The following SCN8A variants were observed in gnomAD, a reference collection of about 807,000 sequenced individuals.
SCN8A encodes the protein sodium voltage-gated channel alpha subunit 8.
In SCN8A, 30 loss-of-function variants were observed where a neutral mutation model predicts 184.1. That is an observed-to-expected ratio of 0.16 (90% CI 0.12 to 0.22). The LOEUF (loss-of-function observed/expected upper bound fraction) is 0.22. Ranked by LOEUF, SCN8A falls within the 10% of genes least tolerant of loss-of-function variation. The pLI, the probability that SCN8A is intolerant of heterozygous loss-of-function variation, is 1.00. For missense variants in SCN8A, 1,057 were observed against 2,498.9 expected, an observed-to-expected ratio of 0.42 and a Z score of 12.30; for synonymous variants, 852 against 907.0, an observed-to-expected ratio of 0.94 and a Z score of 1.09.
chr12:51,605,450 T>C (rs1939568458), intron 1 of SCN8A, among the ~76,000 whole-genome samples: 1 of 152,240 alleles, frequency 6.6e-6, no homozygotes, highest in Non-Finnish European at 1.5e-5. Flanking sequence ...GGCTGAGTAG[T>C]ATTCCATCAT....
At chr12:51,674,869 A>C (rs1473243377) in intron 2 of SCN8A, among the ~76,000 whole-genome samples, 1 of 152,212 alleles carries the variant, frequency 6.6e-6, no homozygotes, top group African/African-American at 2.4e-5. Context: ...ACTGAGCCTT[A>C]GCAACCTTAA....
intron 2 of SCN8A, among the ~76,000 whole-genome samples, chr12:51,680,367 A>T (rs114476369): frequency 0.011 from 1,701 of 152,300 alleles, 47 homozygotes; most frequent in African/African-American, 0.039. Context: ...TTCACTAAAG[A>T]TGCTTAGTTT....
intron 1 of SCN8A, among the ~76,000 whole-genome samples, chr12:51,656,957 T>G (rs1940833049): frequency 6.6e-6 from 1 of 152,110 alleles, no homozygotes; most frequent in African/African-American, 2.4e-5. Flanking sequence ...GAAAACAGTT[T>G]GGCAGTTCCT....
At chr12:51,733,313 A>G (rs1044686153) in intron 12 of SCN8A, among the ~76,000 whole-genome samples, 3 of 152,166 alleles carry the variant, frequency 2.0e-5, no homozygotes, top group African/African-American at 7.2e-5. Flanking sequence ...TGAAATGATC[A>G]TATGGTTTTT....
At chr12:51,731,794 T>C (rs1942247248) in intron 12 of SCN8A, among the ~76,000 whole-genome samples, 1 of 152,236 alleles carries the variant, frequency 6.6e-6, no homozygotes, top group Admixed American at 6.5e-5. Context: ...CTCATTGTAG[T>C]TTTGATTTGC....
rs2138911377 is a variant in SCN8A at position 51,790,340 on chromosome 12, A to G, written c.4420-58A>G. The G allele has an allele frequency of 7.9e-6, 10 of 1,268,678 alleles. No individual in the cohort carries two copies. The South Asian group carries it at 1.3e-4, about 17-fold the overall frequency. The allele number at this position is 1,268,678 out of a possible 1,614,324, so 78.6% of individuals were successfully genotyped here. A position where few individuals can be genotyped will look rare whatever the true frequency, so the allele number is the denominator to read the frequency against. On this transcript the variant is annotated intron_variant, in intron 24 of 26. Coordinates refer to ENST00000627620, the MANE Select transcript of SCN8A (RefSeq NM_001330260.2). The stretch of plus-strand genomic sequence containing the variant: ...TTCTCAGTATTGAACCTTAGGTCCA[A>G]ACCCATAGCATGTTGAGAGCCAGTT...
chr12:51,673,806 A>G (rs1191270856), intron 2 of SCN8A, among the ~76,000 whole-genome samples: 1 of 152,176 alleles, frequency 6.6e-6, no homozygotes, highest in Non-Finnish European at 1.5e-5. Context: ...CAATAACAAT[A>G]TTCTGTGTTA....
At chr12:51,699,935 G>A (rs1365596051) in intron 7 of SCN8A, 144 bp downstream of exon 7, 1 of 635,252 alleles carries the variant, frequency 1.6e-6, no homozygotes, top group Non-Finnish European at 2.7e-6. Flanking sequence ...GGGAGGCTGA[G>A]GCAGGTGGAT....
intron 14 of SCN8A, among the ~76,000 whole-genome samples, chr12:51,755,765 G>A (rs142357135): frequency 6.6e-4 from 100 of 152,236 alleles, no homozygotes; most frequent in African/African-American, 2.2e-3. Flanking sequence ...AGTTGATCCT[G>A]TCACTTCCAA....
At chr12:51,620,116 G>A (rs543327698) in intron 1 of SCN8A, among the ~76,000 whole-genome samples, 106 of 152,206 alleles carry the variant, frequency 7.0e-4, no homozygotes, top group African/African-American at 2.2e-3. Context: ...TGTCATTTAG[G>A]GTTGTTTTGA....
chr12:51,688,180 A>G (rs1184989536), intron 5 of SCN8A, among the ~76,000 whole-genome samples: 1 of 152,182 alleles, frequency 6.6e-6, no homozygotes, highest in African/African-American at 2.4e-5. Flanking sequence ...TAAAATGAGC[A>G]CTTAACACAA....
At chr12:51,626,754 A>G (rs1271131394) in intron 1 of SCN8A, among the ~76,000 whole-genome samples, 1 of 148,438 alleles carries the variant, frequency 6.7e-6, no homozygotes, top group East Asian at 1.9e-4. Context: ...TCCCACCTCC[A>G]CTCTCCAATT....
intron 26 of SCN8A, among the ~76,000 whole-genome samples, chr12:51,795,918 G>A (rs560393376): frequency 2.0e-5 from 3 of 150,902 alleles, no homozygotes; most frequent in African/African-American, 2.4e-5. Flanking sequence ...ATGGTGATAC[G>A]TGCCTGTAGT....
intron 21 of SCN8A, among the ~76,000 whole-genome samples, chr12:51,783,216 G>C (rs889744088): frequency 6.6e-6 from 1 of 152,172 alleles, no homozygotes; most frequent in Admixed American, 6.5e-5. Flanking sequence ...AAGAAGAAAA[G>C]ATTGGATTTG....
chr12:51,604,793 A>G (rs1163144872), intron 1 of SCN8A, among the ~76,000 whole-genome samples: 1 of 151,938 alleles, frequency 6.6e-6, no homozygotes, highest in Non-Finnish European at 1.5e-5. Flanking sequence ...TTGGCCTCCC[A>G]AAGTGCTGGG....
chr12:51,659,047 C>T (rs867446927), intron 1 of SCN8A, among the ~76,000 whole-genome samples: 94 of 152,308 alleles, frequency 6.2e-4, no homozygotes, highest in African/African-American at 2.2e-3. Flanking sequence ...AGGCTCTTAG[C>T]AGCTTTTATT....
intron 14 of SCN8A, among the ~76,000 whole-genome samples, chr12:51,754,998 C>G (rs1352638294): frequency 6.6e-6 from 1 of 152,208 alleles, no homozygotes; most frequent in Non-Finnish European, 1.5e-5. Context: ...CACTTAACAT[C>G]CTCTATAGGT....
chr12:51,785,971 G>A (rs1938072956), intron 21 of SCN8A, among the ~76,000 whole-genome samples: 1 of 152,190 alleles, frequency 6.6e-6, no homozygotes, highest in Non-Finnish European at 1.5e-5. Context: ...GTTTGGTAGA[G>A]GGAATATAGC....
intron 1 of SCN8A, among the ~76,000 whole-genome samples, chr12:51,591,754 G>A (rs529680974): frequency 1.3e-5 from 2 of 152,204 alleles, no homozygotes; most frequent in Admixed American, 6.5e-5. Flanking sequence ...GGGAAGGGCA[G>A]CGCTGTCGGG....
Sources: allele counts gnomAD v4.1 joint callset (sites outside exome capture counted in the v4.1 genomes callset), GRCh38; gene constraint gnomAD v4.1.1; transcripts MANE v1.5; gene names NCBI Gene and HGNC (gene_info 2026-07-23, HGNC 2026-07-21).